NUP133: variants seen among roughly 807,000 people sequenced by gnomAD.
NUP133 encodes nucleoporin 133.
Under a neutral mutation model 146.2 loss-of-function variants are expected in NUP133, and 66 were observed. The ratio of observed to expected loss-of-function variants is 0.45; its 90% CI spans 0.37 to 0.55. The LOEUF (loss-of-function observed/expected upper bound fraction) is 0.55. Ranked by LOEUF, NUP133 falls within the 20% of genes least tolerant of loss-of-function variation. The pLI is 0.00. For missense variants in NUP133, 1,277 were observed against 1,374.8 expected (o/e 0.93, Z 1.12); for synonymous variants, 521 against 498.8 (o/e 1.04, Z -0.59).
intron 24 of NUP133, chr1:229,448,806 C>A: frequency 2.9e-6 from 1 of 339,874 alleles, no homozygotes; most frequent in Non-Finnish European, 5.4e-6. Context: ...TAATCAAACC[C>A]AAGGAGGGGG....
chr1:229,460,647 G>A lies in NUP133; in HGVS notation c.2808C>T (p.Ser936=), dbSNP rs1162125651. The A allele has an allele frequency of 9.3e-6, 15 of 1,613,960 alleles. No homozygotes were observed. Among genetic ancestry groups the A allele is most frequent in the Non-Finnish European group, 1.3e-5 (15 of 1,179,956 alleles). The part of the protein sequence containing the change: ...ANFLQAHEHL[S]WLHEINSQEL... ...CTTGGCTATTAATTTCATGTAACCAGCTGAGATGTTCATGAGCTTGCAAAA... is the reference window on the plus strand; with the variant it reads ...CTTGGCTATTAATTTCATGTAACCAACTGAGATGTTCATGAGCTTGCAAAA... The change falls in exon 20 of 26, where the codon AGC becomes AGT. Residue 936 remains serine, a synonymous_variant. Coordinates refer to ENST00000261396, the MANE Select transcript of NUP133 (RefSeq NM_018230.3).
At chr1:229,500,956 G>T in intron 3 of NUP133, 93 bp from the exon 4 acceptor site, 2 of 707,782 alleles carry the variant, frequency 2.8e-6, no homozygotes, top group South Asian at 1.8e-5. Context: ...TTTAGATTCT[G>T]ACTCACTGCT....
intron 15 of NUP133, among the ~76,000 whole-genome samples, chr1:229,469,001 A>G (rs1262226095): frequency 2.0e-5 from 3 of 152,260 alleles, no homozygotes; most frequent in Admixed American, 1.3e-4. Flanking sequence ...GTTATAGTAC[A>G]TCAAACTTAG....
intron 12 of NUP133, among the ~76,000 whole-genome samples, chr1:229,480,709 T>C (rs1238683940): frequency 1.3e-5 from 2 of 152,146 alleles, no homozygotes; most frequent in South Asian, 4.1e-4. Flanking sequence ...CTGGTGATGC[T>C]GTTAAACAGC....
chr1:229,458,749 C>G (rs1660625087), intron 20 of NUP133, among the ~76,000 whole-genome samples: 1 of 135,480 alleles, frequency 7.4e-6, no homozygotes, highest in Non-Finnish European at 1.5e-5. Flanking sequence ...CTCACTTTGT[C>G]ACCCAGGCTG....
chr1:229,501,002 A>T (rs1661786782), intron 3 of NUP133, 139 bp from the exon 4 acceptor site: 1 of 573,964 alleles, frequency 1.7e-6, no homozygotes, highest in Admixed American at 3.0e-5. Context: ...TTCTTCTCAC[A>T]TCTCCTTTTA....
intron 3 of NUP133, 86 bp downstream of exon 3, chr1:229,501,913 C>G (rs1469818662): frequency 1.0e-6 from 1 of 955,756 alleles, no homozygotes; most frequent in Non-Finnish European, 1.7e-6. Flanking sequence ...GACTATCCTC[C>G]AACTGTAAAA....
chr1:229,501,647 G>A (rs1056800004), intron 3 of NUP133, among the ~76,000 whole-genome samples: 5 of 152,198 alleles, frequency 3.3e-5, no homozygotes, highest in African/African-American at 4.8e-5. Flanking sequence ...ACAAAACATA[G>A]TTCTGTCTTC....
chr1:229,447,317 T>G (rs1470121104), intron 24 of NUP133, among the ~76,000 whole-genome samples: 1 of 152,210 alleles, frequency 6.6e-6, no homozygotes, highest in Non-Finnish European at 1.5e-5. Context: ...TTTCATAATA[T>G]GTATGTTACA....
intron 14 of NUP133, 66 bp downstream of exon 14, chr1:229,475,572 G>A (rs1276978956): frequency 2.6e-6 from 3 of 1,149,272 alleles, no homozygotes; most frequent in Non-Finnish European, 3.9e-6. Flanking sequence ...AGAGAGAAGA[G>A]ACTTCCCACT....
chr1:229,484,037 T>TA lies in NUP133; in HGVS notation c.1592+16dup, dbSNP rs1207246125. On this transcript the variant is annotated intron_variant, in intron 12 of 25. Transcript: ENST00000261396. Reference sequence around the variant, plus strand: ...CTCACACATAAAATAATCCATAATTTAAAAAACATGTTATACCTGCAGTAT... The same window carrying TA: ...CTCACACATAAAATAATCCATAATTTAAAAAAACATGTTATACCTGCAGTAT... 1 of 1,562,092 alleles carries TA rather than the reference T, an allele frequency of 6.4e-7. No individual in the cohort carries two copies. Among genetic ancestry groups the TA allele is most frequent in the Non-Finnish European group, 8.8e-7 (1 of 1,136,414 alleles).
chr1:229,506,243 G>A, intron 1 of NUP133, 85 bp from the exon 2 acceptor site: 1 of 669,422 alleles, frequency 1.5e-6, no homozygotes, highest in Non-Finnish European at 2.5e-6. Context: ...TTCACAGTAA[G>A]GAGTTCTTTG....
rs1440109980 is a variant in NUP133 at position 229,463,947 on chromosome 1, T to G, written c.2552-271A>C. 2.7e-5 allele frequency among the ~76,000 whole-genome samples: 4 copies of G among 150,938 alleles called. No homozygotes were observed. In the East Asian group the frequency reaches 5.8e-4, roughly 22 times the overall value. On this transcript the variant is annotated intron_variant, in intron 18 of 25. Transcript: ENST00000261396. ...GATCACCTGAGGTCAGGAGTTCGAG[T>G]CCCGCCAGGCCAATATGGTGAAACC...
At chr1:229,495,266 T>C (rs1409785145) in intron 8 of NUP133, among the ~76,000 whole-genome samples, 5 of 152,032 alleles carry the variant, frequency 3.3e-5, no homozygotes, top group Admixed American at 3.3e-4. Context: ...TGGCGCATGC[T>C]TGCAGTACCA....
At chr1:229,465,733 T>G (rs1339940941) in intron 16 of NUP133, among the ~76,000 whole-genome samples, 3 of 151,444 alleles carry the variant, frequency 2.0e-5, no homozygotes, top group Admixed American at 6.6e-5. Context: ...TACAAAAAAT[T>G]TTTAAAATTA....
chr1:229,506,719 G>A (rs1661948414), intron 1 of NUP133, among the ~76,000 whole-genome samples: 1 of 150,816 alleles, frequency 6.6e-6, no homozygotes, highest in Non-Finnish European at 1.5e-5. Context: ...CCAGCCTGGG[G>A]AACGTGGCAA....
At chr1:229,477,096 C>A (rs1661095381) in intron 13 of NUP133, among the ~76,000 whole-genome samples, 1 of 152,014 alleles carries the variant, frequency 6.6e-6, no homozygotes, top group South Asian at 2.1e-4. Flanking sequence ...CCTTTAGTTT[C>A]CATTCTGTTA....
chr1:229,474,479 A>G (rs1356062878), intron 14 of NUP133, among the ~76,000 whole-genome samples: 5 of 152,256 alleles, frequency 3.3e-5, no homozygotes, highest in Non-Finnish European at 7.3e-5. Flanking sequence ...AAGAGTAGAC[A>G]GGAGATAAAC....
chr1:229,450,777 T>C (rs376148212), intron 22 of NUP133, 172 bp from the exon 23 acceptor site: 40 of 354,684 alleles, frequency 1.1e-4, no homozygotes, highest in Non-Finnish European at 1.8e-4. Context: ...CCAGGCTGGA[T>C]TGCAGTGGCA....
Sources: allele counts gnomAD v4.1 joint callset (sites outside exome capture counted in the v4.1 genomes callset), GRCh38; gene constraint gnomAD v4.1.1; transcripts MANE v1.5; gene names NCBI Gene and HGNC (gene_info 2026-07-23, HGNC 2026-07-21).